The following KCND2 variants were observed in gnomAD, a reference collection of about 807,000 sequenced individuals.
The protein encoded by KCND2 is A-type voltage-gated potassium channel KCND2.
A neutral mutation model predicts 54.4 loss-of-function variants in KCND2; 16 were observed. That is an observed-to-expected ratio of 0.29 (90% CI 0.20 to 0.45). KCND2 has a LOEUF of 0.45. KCND2 is among the 20% of genes least tolerant of loss of function. The pLI, the probability that KCND2 is intolerant of heterozygous loss-of-function variation, is 1.00. For synonymous variants in KCND2, 317 were observed against 310.7 expected, an observed-to-expected ratio of 1.02 and a Z score of -0.21; for missense variants, 486 against 824.2, an observed-to-expected ratio of 0.59 and a Z score of 5.02.
intron 1 of KCND2, among the ~76,000 whole-genome samples, chr7:120,535,242 A>G (rs1051053766): frequency 2.0e-5 from 3 of 152,278 alleles, no homozygotes; most frequent in Middle Eastern, 6.8e-3. Flanking sequence ...TTCTCATCTG[A>G]CATACATAGC....
chr7:120,322,403 C>G (rs1014749523), intron 1 of KCND2, among the ~76,000 whole-genome samples: 12 of 152,058 alleles, frequency 7.9e-5, no homozygotes, highest in African/African-American at 2.9e-4. Context: ...AGGATAAAAA[C>G]AAAACCTAAC....
rs373413158 is a variant in KCND2 at position 120,519,306 on chromosome 7, C to A, written c.1116-213597C>A. 3.9e-5 allele frequency among the ~76,000 whole-genome samples: 6 copies of A among 152,036 alleles called. No individual in the cohort carries two copies. In the East Asian group the frequency reaches 1.2e-3, roughly 29 times the overall value. On this transcript the variant is annotated intron_variant, in intron 1 of 5. Coordinates refer to ENST00000331113, the MANE Select transcript of KCND2 (RefSeq NM_012281.3). The stretch of plus-strand genomic sequence containing the variant: ...AGGTTGCAGTGAGCTGAGATCACAC[C>A]ACTGCACTCCAGCCTGGATGACTGA...
intron 1 of KCND2, among the ~76,000 whole-genome samples, chr7:120,468,531 A>G (rs1802411096): frequency 6.6e-6 from 1 of 152,140 alleles, no homozygotes; most frequent in South Asian, 2.1e-4. Context: ...TCCCAAATTT[A>G]TACTTGTGAT....
chr7:120,659,041 A>C (rs544357149), intron 1 of KCND2, among the ~76,000 whole-genome samples: 8 of 152,316 alleles, frequency 5.3e-5, no homozygotes, highest in African/African-American at 1.9e-4. Context: ...TAACTAACTG[A>C]ATAATAAATT....
chr7:120,733,062 A>G lies in KCND2; in HGVS notation c.1275A>G (p.Gln425=), dbSNP rs1356943532. Residue 425 remains glutamine, a synonymous_variant, in exon 2 of 6, where the codon CAA becomes CAG. Transcript: ENST00000331113. ...AACGAGCAGACAAACGAAGGGCACA[A>G]AAGGTGCGTATTCAACTCCGTGCAA... is the stretch of plus-strand genomic sequence containing the variant. The part of the protein sequence containing the change: ...QNQRADKRRA[Q]KKARLARIRA... The G allele has an allele frequency of 1.2e-6, 2 of 1,613,424 alleles. No individual in the cohort carries two copies. The highest frequency in any genetic ancestry group is 1.7e-6 in the Non-Finnish European group (2 of 1,179,578).
intron 1 of KCND2, among the ~76,000 whole-genome samples, chr7:120,293,922 T>C (rs935838400): frequency 1.3e-5 from 2 of 152,044 alleles, no homozygotes; most frequent in African/African-American, 4.8e-5. Context: ...GAAATGCTGT[T>C]TAAAAAAGCT....
intron 2 of KCND2, chr7:120,740,777 T>A (rs1234700809): frequency 4.5e-6 from 2 of 442,018 alleles, no homozygotes; most frequent in Non-Finnish European, 4.5e-6. Context: ...AATGTTTAAA[T>A]CTCTCTGGAT....
chr7:120,601,364 TTA>T (rs1792811087), intron 1 of KCND2, among the ~76,000 whole-genome samples: 1 of 152,152 alleles, frequency 6.6e-6, no homozygotes, highest in Non-Finnish European at 1.5e-5. Context: ...GAACAATTCT[TTA>T]TATTAATAAA....
chr7:120,554,880 G>T (rs1792145049), intron 1 of KCND2, among the ~76,000 whole-genome samples: 1 of 152,032 alleles, frequency 6.6e-6, no homozygotes, highest in Admixed American at 6.6e-5. Flanking sequence ...TTCCTTCTTT[G>T]CAGTTACCTG....
intron 1 of KCND2, among the ~76,000 whole-genome samples, chr7:120,486,710 G>A (rs1395881315): frequency 6.8e-6 from 1 of 148,128 alleles, no homozygotes. Context: ...TTCCTAGTTT[G>A]AATAGCACTG....
intron 1 of KCND2, among the ~76,000 whole-genome samples, chr7:120,406,746 A>G (rs979150493): frequency 6.6e-6 from 1 of 151,996 alleles, no homozygotes; most frequent in African/African-American, 2.4e-5. Flanking sequence ...TCTAGGATTA[A>G]GAAGTGTGAG....
Position 120,635,636 on chromosome 7 carries a change from A to G in KCND2, c.1116-97267A>G, listed in dbSNP as rs573822446. Among the ~76,000 whole-genome samples the G allele has an allele frequency of 9.8e-5, 15 of 152,298 alleles. No homozygotes were observed. In the South Asian group the frequency reaches 2.9e-3, roughly 29 times the overall value. On this transcript the variant is annotated intron_variant, in intron 1 of 5. Transcript: ENST00000331113. ...CTAAGGAATGTTTCCATCTTTTATG[A>G]TACTTGAGAATTTTTCTTTTTAAGT...
At chr7:120,653,642 A>T (rs1791766506) in intron 1 of KCND2, among the ~76,000 whole-genome samples, 1 of 152,220 alleles carries the variant, frequency 6.6e-6, no homozygotes, top group South Asian at 2.1e-4. Flanking sequence ...CAATAATATT[A>T]TTTACATCAT....
chr7:120,524,232 CA>C (rs541988252), intron 1 of KCND2, among the ~76,000 whole-genome samples: 27 of 131,114 alleles, frequency 2.1e-4, no homozygotes, highest in Admixed American at 3.8e-4. Context: ...AAGACTCCGT[CA>C]AAAAAAAAAG....
intron 1 of KCND2, among the ~76,000 whole-genome samples, chr7:120,396,198 A>G (rs1801153582): frequency 2.6e-5 from 4 of 152,140 alleles, no homozygotes; most frequent in Middle Eastern, 6.8e-3. Context: ...CAAACCCAAT[A>G]TTCACCCTTT....
intron 1 of KCND2, among the ~76,000 whole-genome samples, chr7:120,350,558 A>G (rs552435419): frequency 5.3e-5 from 8 of 152,332 alleles, no homozygotes; most frequent in African/African-American, 1.9e-4. Flanking sequence ...TATAAAGCAG[A>G]CAAGAGCACA....
intron 1 of KCND2, among the ~76,000 whole-genome samples, chr7:120,421,025 G>A (rs117204013): frequency 1.8e-4 from 27 of 152,260 alleles, no homozygotes; most frequent in African/African-American, 6.3e-4. Flanking sequence ...TGGCAAGTAC[G>A]TGTATTTGAT....
At chr7:120,542,419 T>C (rs1334294278) in intron 1 of KCND2, among the ~76,000 whole-genome samples, 1 of 152,192 alleles carries the variant, frequency 6.6e-6, no homozygotes, top group East Asian at 1.9e-4. Context: ...TTTATTTTAT[T>C]CTTCTCCAAG....
intron 1 of KCND2, among the ~76,000 whole-genome samples, chr7:120,718,243 T>G (rs1792626936): frequency 6.6e-6 from 1 of 152,196 alleles, no homozygotes; most frequent in Non-Finnish European, 1.5e-5. Flanking sequence ...CAAACTCTTC[T>G]AGAAGGAACA....
Sources: allele counts gnomAD v4.1 joint callset (sites outside exome capture counted in the v4.1 genomes callset), GRCh38; gene constraint gnomAD v4.1.1; transcripts MANE v1.5; gene names NCBI Gene and HGNC (gene_info 2026-07-23, HGNC 2026-07-21).